The following CTNNA2 variants were observed in gnomAD, a reference collection of about 807,000 sequenced individuals.
The protein encoded by CTNNA2 is catenin alpha-2.
Under a neutral mutation model 101.0 loss-of-function variants are expected in CTNNA2, and 42 were observed. The ratio of observed to expected loss-of-function variants is 0.42; its 90% CI spans 0.32 to 0.54. The LOEUF is 0.54. Among genes scored for constraint, CTNNA2 ranks in the 20% least tolerant of loss-of-function variants. The pLI is 0.14. For missense variants in CTNNA2, 871 were observed against 1,223.1 expected (o/e 0.71, Z 4.29); for synonymous variants, 450 against 456.4 (o/e 0.99, Z 0.18).
intron 7 of CTNNA2, among the ~76,000 whole-genome samples, chr2:80,370,328 C>T (rs1675328248): frequency 6.6e-6 from 1 of 151,828 alleles, no homozygotes; most frequent in African/African-American, 2.4e-5. Flanking sequence ...TGAAATATTA[C>T]CAACAATTTC....
At chr2:79,545,778 T>G (rs17764420) in intron 1 of CTNNA2, among the ~76,000 whole-genome samples, 7,506 of 152,286 alleles carry the variant, frequency 0.049, 249 homozygotes, top group Non-Finnish European at 0.071. Flanking sequence ...AAAAGCTTAC[T>G]TTTTTATGCT....
chr2:80,364,290 A>G (rs1464321865), intron 7 of CTNNA2, among the ~76,000 whole-genome samples: 2 of 152,160 alleles, frequency 1.3e-5, no homozygotes, highest in Non-Finnish European at 2.9e-5. Context: ...GCGTGTTTTT[A>G]TAAATTATCT....
At chr2:79,713,425 G>T (rs1033627299) in intron 2 of CTNNA2, among the ~76,000 whole-genome samples, 6 of 152,142 alleles carry the variant, frequency 3.9e-5, no homozygotes, top group African/African-American at 1.4e-4. Context: ...CAGCCTGGGT[G>T]ACAGCAAGAG....
At chr2:80,406,205 G>C (rs529870159) in intron 8 of CTNNA2, among the ~76,000 whole-genome samples, 23 of 152,130 alleles carry the variant, frequency 1.5e-4, no homozygotes, top group African/African-American at 5.3e-4. Context: ...AAAATACAAA[G>C]TTAGGTGGGC....
chr2:79,502,023 C>T (rs1201186274), intron 4 of CTNNA2, among the ~76,000 whole-genome samples: 1 of 138,296 alleles, frequency 7.2e-6, no homozygotes, highest in Non-Finnish European at 1.5e-5. Context: ...AAGGAAGTTA[C>T]TTTCAAGTGG....
intron 7 of CTNNA2, among the ~76,000 whole-genome samples, chr2:80,181,493 G>A (rs1705776708): frequency 6.6e-6 from 1 of 152,066 alleles, no homozygotes; most frequent in Non-Finnish European, 1.5e-5. Flanking sequence ...GAGGCTACCT[G>A]TGCACCTTTT....
chr2:79,725,971 C>T (rs1686814605), intron 2 of CTNNA2, among the ~76,000 whole-genome samples: 2 of 152,202 alleles, frequency 1.3e-5, no homozygotes, highest in Non-Finnish European at 2.9e-5. Flanking sequence ...GACCTTAGGT[C>T]TGCAGATGTC....
intron 3 of CTNNA2, among the ~76,000 whole-genome samples, chr2:79,778,457 C>T (rs977083996): frequency 5.9e-5 from 9 of 152,066 alleles, no homozygotes; most frequent in Non-Finnish European, 1.3e-4. Flanking sequence ...ATGGCAATTA[C>T]ATTCCTAAAT....
At chr2:80,101,512 C>T (rs1398560808) in intron 7 of CTNNA2, among the ~76,000 whole-genome samples, 1 of 152,194 alleles carries the variant, frequency 6.6e-6, no homozygotes, top group Admixed American at 6.5e-5. Context: ...GAAGTGAATA[C>T]ATTTGTTTAA....
At chr2:79,384,542 A>C (rs2104466370) in intron 4 of CTNNA2, among the ~76,000 whole-genome samples, 1 of 152,272 alleles carries the variant, frequency 6.6e-6, no homozygotes, top group South Asian at 2.1e-4. Flanking sequence ...AGTAGCTGTG[A>C]TATATACTAA....
intron 2 of CTNNA2, among the ~76,000 whole-genome samples, chr2:79,290,653 C>T (rs558781708): frequency 6.6e-6 from 1 of 152,090 alleles, no homozygotes. Flanking sequence ...CCAACAGGCA[C>T]CAGCAGGCCG....
intron 2 of CTNNA2, among the ~76,000 whole-genome samples, chr2:79,727,930 G>T (rs531519400): frequency 4.0e-4 from 61 of 152,038 alleles, no homozygotes; most frequent in African/African-American, 1.4e-3. Flanking sequence ...TGGCTGCATA[G>T]TATTCCATGG....
At chr2:80,100,381 G>T (rs1355641131) in intron 7 of CTNNA2, among the ~76,000 whole-genome samples, 2 of 152,228 alleles carry the variant, frequency 1.3e-5, no homozygotes, top group African/African-American at 4.8e-5. Context: ...GCTTTCTAAG[G>T]TTTAAATTCC....
chr2:80,515,531 T>C (rs951444363), intron 9 of CTNNA2, among the ~76,000 whole-genome samples: 3 of 152,226 alleles, frequency 2.0e-5, no homozygotes, highest in Non-Finnish European at 4.4e-5. Context: ...TGCCTCTTTA[T>C]TTTGCTAGAA....
intron 7 of CTNNA2, among the ~76,000 whole-genome samples, chr2:80,391,634 A>G (rs148906987): frequency 3.7e-4 from 57 of 152,366 alleles, no homozygotes; most frequent in African/African-American, 1.3e-3. Flanking sequence ...CAGAAAAGGA[A>G]TAGCCTTTGG....
At chr2:79,373,503 T>G (rs1201124807) in intron 3 of CTNNA2, among the ~76,000 whole-genome samples, 7 of 152,074 alleles carry the variant, frequency 4.6e-5, no homozygotes, top group Admixed American at 1.3e-4. Flanking sequence ...ATTGATGCCA[T>G]CATTATCAGC....
intron 1 of CTNNA2, among the ~76,000 whole-genome samples, chr2:79,555,815 C>T (rs1478716645): frequency 6.6e-6 from 1 of 152,056 alleles, no homozygotes; most frequent in Non-Finnish European, 1.5e-5. Context: ...GTTCATACAG[C>T]TCCTTATTCA....
intron 7 of CTNNA2, among the ~76,000 whole-genome samples, chr2:80,168,694 C>G (rs1009137326): frequency 6.6e-6 from 1 of 152,122 alleles, no homozygotes; most frequent in Non-Finnish European, 1.5e-5. Flanking sequence ...GGCAGCTTTA[C>G]AAACTTTTTG....
chr2:80,292,732 A>G (rs531104621), intron 7 of CTNNA2, among the ~76,000 whole-genome samples: 4 of 152,186 alleles, frequency 2.6e-5, no homozygotes, highest in Non-Finnish European at 4.4e-5. Context: ...AAATGGTTCT[A>G]TTGTTCACTC....
Sources: gnomAD v4.1 joint callset for allele counts (sites outside exome capture counted in the v4.1 genomes callset) on GRCh38, gnomAD v4.1.1 for gene constraint, MANE v1.5 for transcripts, NCBI Gene and HGNC (gene_info 2026-07-23, HGNC 2026-07-21) for gene names.